Variants in FPGS observed in about 807,000 individuals in gnomAD.
FPGS encodes the protein folylpolyglutamate synthase.
In FPGS, 53 loss-of-function variants were observed where a neutral mutation model predicts 66.5. The ratio of observed to expected loss-of-function variants is 0.80; its 90% CI spans 0.64 to 1.00. The LOEUF (loss-of-function observed/expected upper bound fraction) is 1.00. Ranked by LOEUF, FPGS falls within the 50% of genes least tolerant of loss-of-function variation. The pLI is 0.00. For synonymous variants in FPGS, 348 were observed against 350.9 expected, an observed-to-expected ratio of 0.99 and a Z score of 0.09; for missense variants, 702 against 807.7, an observed-to-expected ratio of 0.87 and a Z score of 1.59.
Position 127,812,230 on chromosome 9 carries a change from C to T in FPGS, c.1355-965C>T, listed in dbSNP as rs572546413. Among the ~76,000 whole-genome samples, 9 of 152,140 alleles carry T rather than the reference C, an allele frequency of 5.9e-5. No homozygotes were observed. In the East Asian group the frequency reaches 1.5e-3, roughly 26 times the overall value. ...CGTGATTGCATCACTGCACTCCAGC[C>T]TGGGTGACAGAGCAAGACCCTGGAC... On this transcript the variant is annotated intron_variant, in intron 14 of 14. Transcript: ENST00000373247.
In FPGS at chr9:127,807,648, C is replaced by T. The variant is rs754234653; in HGVS notation, c.704C>T (p.Thr235Met). The T allele has an allele frequency of 2.9e-5, 47 of 1,598,060 alleles. No homozygotes were observed. The highest frequency in any genetic ancestry group is 3.7e-5 in the Non-Finnish European group (44 of 1,175,790). The change falls in exon 8 of 15, where the codon ACG becomes ATG. Residue 235 changes from threonine to methionine, a missense_variant. Coordinates refer to ENST00000373247, the MANE Select transcript of FPGS (RefSeq NM_004957.6). This position sits in a 1 kb window ranked among gnomAD's most constrained non-coding sequence, Gnocchi z 5.8. ...GACCACACCAGCCTCCTGGGGGATA[C>T]GGTGGAGAAGATCGCATGGCAGAAA... ...GIDHTSLLGD[T>M]VEKIAWQKGG...
rs541950426 is a variant in FPGS, at chr9:127,809,706, G to A, written c.1083G>A (p.Pro361=). 2.1e-5 allele frequency: 34 copies of A among 1,588,408 alleles called. 1 individual carries two copies. Among genetic ancestry groups the A allele is most frequent in the South Asian group, 2.0e-4 (18 of 90,026 alleles). The change falls in exon 12 of 15, where the codon CCG becomes CCA. Residue 361 remains proline, a synonymous_variant. Coordinates refer to ENST00000373247, the MANE Select transcript of FPGS (RefSeq NM_004957.6). ...MRLGLRNTEW[P]GRTQVLRRGP... is the part of the protein sequence containing the mutation. ...CAGGGCTTCGGAACACGGAGTGGCC[G>A]GGCCGGACGCAGGTGCTGCGGCGCG...
Position 127,810,069 on chromosome 9 carries a change from G to C in FPGS, c.1250G>C (p.Gly417Ala), listed in dbSNP as rs1335395848. 1 of 1,613,174 alleles carries C rather than the reference G, an allele frequency of 6.2e-7. No homozygotes were observed. The highest frequency in any genetic ancestry group is 1.3e-5 in the African/African-American group (1 of 74,900). ...EVRVLLFNAT[G>A]DRDPAALLKL... ...CGAGTCTTGCTCTTCAATGCTACCG[G>C]GGACCGGGACCCGGCGGCCCTGCTG... The change falls in exon 13 of 15, where the codon GGG (glycine) becomes GCG (alanine). Residue 417 changes from glycine (G) to alanine (A), a missense_variant. Physicochemically the swap from Gly to Ala is moderately conservative, Grantham distance 60. This residue lies in a region of FPGS where 351 missense variants were observed against 363.7 expected (regional missense o/e 0.97). Transcript: ENST00000373247.
chr9:127,810,664 C>T (rs1248093082), intron 13 of FPGS, among the ~76,000 whole-genome samples: 1 of 152,152 alleles, frequency 6.6e-6, no homozygotes, highest in African/African-American at 2.4e-5. Flanking sequence ...TTTGGGGCCC[C>T]CTCACTATCT....
intron 4 of FPGS, among the ~76,000 whole-genome samples, chr9:127,805,108 C>G (rs1966227): frequency 6.6e-6 from 1 of 151,984 alleles, no homozygotes; most frequent in East Asian, 1.9e-4. Flanking sequence ...AGGCTGTTCT[C>G]GAACTCCTGA....
At chr9:127,811,824 A>G (rs1830092781) in intron 14 of FPGS, among the ~76,000 whole-genome samples, 1 of 152,142 alleles carries the variant, frequency 6.6e-6, no homozygotes, top group African/African-American at 2.4e-5. Context: ...TAGAATAGAA[A>G]ATACCAGTGT....
Position 127,804,308 on chromosome 9 carries a change from C to T in FPGS, c.162C>T (p.Thr54=), listed in dbSNP as rs755581301. 3.1e-6 allele frequency: 5 copies of T among 1,614,070 alleles called. No individual in the cohort carries two copies. In the Admixed American group the frequency reaches 8.3e-5, roughly 27 times the overall value. ...EYQDAVRMLN[T]LQTNAGYLEQ... The stretch of plus-strand genomic sequence containing the variant: ...AGGATGCCGTGCGCATGCTCAATAC[C>T]CTGCAGACCAATGCCGGCTACCTGG... The change falls in exon 2 of 15, where the codon ACC becomes ACT. Residue 54 remains threonine, a synonymous_variant. Transcript: ENST00000373247.
intron 14 of FPGS, among the ~76,000 whole-genome samples, chr9:127,811,678 G>C (rs541475692): frequency 6.6e-6 from 1 of 152,004 alleles, no homozygotes; most frequent in African/African-American, 2.4e-5. Flanking sequence ...TAGAGACAGG[G>C]TTTCTCCATG....
At chr9:127,804,838 T>A (rs1253490872) in intron 4 of FPGS, 138 bp downstream of exon 4, 1 of 801,984 alleles carries the variant, frequency 1.2e-6, no homozygotes, top group African/African-American at 1.7e-5. Flanking sequence ...ATTCATTCAA[T>A]AAACATTCAG....
At chr9:127,810,467 A>G (rs1224503301) in intron 13 of FPGS, among the ~76,000 whole-genome samples, 1 of 152,018 alleles carries the variant, frequency 6.6e-6, no homozygotes, top group Non-Finnish European at 1.5e-5. Context: ...GGTTGCTGCT[A>G]GGGGCACCCG....
In FPGS at chr9:127,807,195, T is replaced by A; in HGVS notation, c.502-14T>A. The A allele has an allele frequency of 2.5e-6, 4 of 1,613,914 alleles. No individual in the cohort carries two copies. The highest frequency in any genetic ancestry group is 2.5e-6 in the Non-Finnish European group (3 of 1,179,900). On this transcript the variant is annotated splice_polypyrimidine_tract_variant and intron_variant, in intron 5 of 14. Transcript: ENST00000373247. This position sits in a 1 kb window ranked among gnomAD's most constrained non-coding sequence, Gnocchi z 5.8. ...TGCATGGGCTCTGGGCCCTGACATGTCCCTGTGCCACAGGATGGCAGCTGT... is the reference window on the plus strand; with the variant it reads ...TGCATGGGCTCTGGGCCCTGACATGACCCTGTGCCACAGGATGGCAGCTGT...
chr9:127,813,284 G>T lies in FPGS; in HGVS notation c.1444G>T (p.Ala482Ser). The T allele has an allele frequency of 6.2e-7, 1 of 1,613,054 alleles. No homozygotes were observed. ...CTGGAACCACCTGGACGAAGAGCAG[G>T]CCAGCCCGGACCTCTGGAGTGCCCC... ...QHWNHLDEEQASPDLWSAPSP... is the reference protein window; with the variant it reads ...QHWNHLDEEQSSPDLWSAPSP... Residue 482 changes from alanine (A) to serine (S), a missense_variant, in exon 15 of 15, where the codon GCC becomes TCC. Ala to Ser is a moderately conservative substitution (Grantham distance 99). This residue lies in a region of FPGS where 351 missense variants were observed against 363.7 expected (regional missense o/e 0.97). Transcript: ENST00000373247.
In FPGS at chr9:127,808,231, C is replaced by A. The variant is rs115912190; in HGVS notation, c.745-3C>A. On this transcript the variant is annotated splice_region_variant and splice_polypyrimidine_tract_variant and intron_variant, in intron 8 of 14. Transcript: ENST00000373247. ...CCTTTCTCTCTCCTTCTTCCCTCCACAGCAAGGTGTCCCTGCCTTCACTGT... is the reference window on the plus strand; with the variant it reads ...CCTTTCTCTCTCCTTCTTCCCTCCAAAGCAAGGTGTCCCTGCCTTCACTGT... 6.2e-7 allele frequency: 1 copy of A among 1,613,316 alleles called. No individual in the cohort carries two copies. Among genetic ancestry groups the A allele is most frequent in the Non-Finnish European group, 8.5e-7 (1 of 1,179,260 alleles).
chr9:127,808,974 T>G, intron 11 of FPGS, 85 bp downstream of exon 11: 1 of 1,060,206 alleles, frequency 9.4e-7, no homozygotes. Context: ...TTTGGTTTTC[T>G]GTTTGGGAGA....
At chr9:127,814,139 A>G, downstream of FPGS, 1 of 986,128 alleles carries the variant, frequency 1.0e-6, no homozygotes. Context: ...GTGGTCAGGG[A>G]CCTGCACTGT....
At chr9:127,804,154 C>T (rs1464393275) in intron 1 of FPGS, 131 bp from the exon 2 acceptor site, 21 of 1,179,934 alleles carry the variant, frequency 1.8e-5, no homozygotes, top group Non-Finnish European at 2.4e-5. Flanking sequence ...GCTAGGCTAA[C>T]AGTGCTGGCA....
At chr9:127,806,234 G>C (rs572606787) in intron 4 of FPGS, among the ~76,000 whole-genome samples, 1 of 152,146 alleles carries the variant, frequency 6.6e-6, no homozygotes, top group African/African-American at 2.4e-5. Flanking sequence ...GGCTGGGCAC[G>C]GTGGCTCATG....
At chr9:127,808,537 G>T (rs763326521) in intron 9 of FPGS, 21 bp from the exon 10 acceptor site, 1 of 1,611,500 alleles carries the variant, frequency 6.2e-7, no homozygotes, top group Non-Finnish European at 8.5e-7. Context: ...CTGCTGACCC[G>T]CTCCTGCCTG....
rs192754549 is a variant in FPGS, at chr9:127,813,512, C to T, written c.1672C>T (p.Arg558Cys). The T allele has an allele frequency of 1.1e-5, 18 of 1,611,828 alleles. No homozygotes were observed. Among genetic ancestry groups the T allele is most frequent in the African/African-American group, 8.0e-5 (6 of 75,016 alleles). ...PVAHSGASIL[R>C]EAAAIHVLVT... The stretch of plus-strand genomic sequence containing the variant: ...GGCTCACAGTGGGGCCAGCATACTC[C>T]GTGAGGCTGCTGCCATCCATGTGCT... Residue 558 changes from arginine (R) to cysteine (C), a missense_variant, in exon 15 of 15, where the codon CGT becomes TGT. This residue lies in a region of FPGS where 351 missense variants were observed against 363.7 expected (regional missense o/e 0.97). Transcript: ENST00000373247.
Sources: allele counts gnomAD v4.1 joint callset (sites outside exome capture counted in the v4.1 genomes callset), GRCh38; gene constraint gnomAD v4.1.1; regional missense constraint gnomAD v4.1.1; non-coding constraint Gnocchi (gnomAD v3.1); transcripts MANE v1.5; gene names NCBI Gene and HGNC (gene_info 2026-07-23, HGNC 2026-07-21).